The following SLC38A8 variants were observed in gnomAD, a reference collection of about 807,000 sequenced individuals.
SLC38A8 encodes the protein amino acid transporter SLC38A8.
In SLC38A8, 65 loss-of-function variants were observed where a neutral mutation model predicts 46.0. The ratio of observed to expected loss-of-function variants is 1.41; its 90% CI spans 1.16 to 1.74. SLC38A8 has a LOEUF of 1.74. Among genes scored for constraint, SLC38A8 ranks in the 40% most tolerant of loss-of-function variants. The pLI is 0.00. For synonymous variants in SLC38A8, 447 were observed against 243.7 expected, an observed-to-expected ratio of 1.83 and a Z score of -7.77; for missense variants, 998 against 567.9, an observed-to-expected ratio of 1.76 and a Z score of -7.70.
In SLC38A8 at chr16:84,009,770, G is replaced by C. The variant is rs779780018; in HGVS notation, c.*14C>G. 2 of 1,610,804 alleles carry C rather than the reference G, an allele frequency of 1.2e-6. No individual in the cohort carries two copies. Among genetic ancestry groups the C allele is most frequent in the African/African-American group, 2.7e-5 (2 of 74,750 alleles). ...CCCCCGGAGGGCCCCTTCCTGCCCG[G>C]CACTAGCTGCCCATCAGAACATCTC... On this transcript the variant is annotated 3_prime_UTR_variant, in exon 11 of 11. Coordinates refer to ENST00000299709, the MANE Select transcript of SLC38A8 (RefSeq NM_001080442.3).
At chr16:84,017,500 C>G (rs1355695131) in intron 7 of SLC38A8, among the ~76,000 whole-genome samples, 3 of 152,360 alleles carry the variant, frequency 2.0e-5, no homozygotes, top group East Asian at 3.9e-4. Flanking sequence ...AAATCCGCCA[C>G]TTATCCTCCT....
At chr16:84,015,956 G>C (rs1041146802) in intron 9 of SLC38A8, among the ~76,000 whole-genome samples, 2 of 152,240 alleles carry the variant, frequency 1.3e-5, no homozygotes, top group African/African-American at 4.8e-5. Flanking sequence ...TGGGATTACA[G>C]GCGTGAGCCA....
chr16:84,027,226 T>G (rs1057504720), intron 6 of SLC38A8, among the ~76,000 whole-genome samples: 3 of 152,128 alleles, frequency 2.0e-5, no homozygotes, highest in Non-Finnish European at 4.4e-5. Flanking sequence ...GACAGGCGCC[T>G]GTAATCCCAG....
chr16:84,033,250 G>T, intron 4 of SLC38A8, 78 bp downstream of exon 4: 1 of 1,591,924 alleles, frequency 6.3e-7, no homozygotes, highest in South Asian at 1.1e-5. Flanking sequence ...CAGCTCCTCT[G>T]ACCCCAGATG....
chr16:84,040,515 C>G (rs1256764009), intron 2 of SLC38A8, among the ~76,000 whole-genome samples: 1 of 152,234 alleles, frequency 6.6e-6, no homozygotes, highest in Non-Finnish European at 1.5e-5. Flanking sequence ...GGTTCCCACT[C>G]TCTGGCTCAT....
Position 84,017,192 on chromosome 16 carries a change from G to C in SLC38A8, c.901C>G (p.Leu301Val), listed in dbSNP as rs778679892. 1.9e-6 allele frequency: 3 copies of C among 1,614,116 alleles called. No individual in the cohort carries two copies. Among genetic ancestry groups the C allele is most frequent in the African/African-American group, 1.3e-5 (1 of 75,004 alleles). ...NDMVIIVARVLFAVSIVTVYP... is the reference protein window; with the variant it reads ...NDMVIIVARVVFAVSIVTVYP... ...ACAGTTACGATGGAGACAGCAAAAA[G>C]GACCCGGGCCACAATGATGACCATA... Residue 301 changes from leucine to valine, a missense_variant, in exon 8 of 11, where the codon CTT (leucine) becomes GTT (valine). Transcript: ENST00000299709.
intron 5 of SLC38A8, 47 bp from the exon 6 acceptor site, chr16:84,029,598 G>T (rs766149672): frequency 1.3e-6 from 2 of 1,582,156 alleles, no homozygotes; most frequent in Non-Finnish European, 1.7e-6. Flanking sequence ...GGTCACACCC[G>T]GAACAACCTG....
intron 5 of SLC38A8, 99 bp from the exon 6 acceptor site, chr16:84,029,650 A>T (rs946711306): frequency 1.6e-5 from 19 of 1,187,014 alleles, no homozygotes; most frequent in Non-Finnish European, 2.3e-5. Context: ...GGAAAATGTA[A>T]CAGAGCATGG....
chr16:84,013,164 G>T, intron 9 of SLC38A8, 112 bp from the exon 10 acceptor site: 1 of 1,223,254 alleles, frequency 8.2e-7, no homozygotes, highest in Non-Finnish European at 1.2e-6. Flanking sequence ...CTCCGCCCAT[G>T]GGTGCCCCTG....
At chr16:84,021,096 C>T (rs2151117067) in intron 7 of SLC38A8, among the ~76,000 whole-genome samples, 1 of 152,240 alleles carries the variant, frequency 6.6e-6, no homozygotes, top group Middle Eastern at 3.4e-3. Context: ...GAGTCTCATT[C>T]TTGTTGCCCA....
chr16:84,023,893 C>G (rs2085126688), intron 6 of SLC38A8, among the ~76,000 whole-genome samples: 1 of 152,076 alleles, frequency 6.6e-6, no homozygotes, highest in Non-Finnish European at 1.5e-5. Context: ...CACTGTGTCT[C>G]AAAAGAAAAA....
rs368518197 is a variant in SLC38A8, at chr16:84,009,776, G to T, written c.*8C>A. The T allele has an allele frequency of 1.1e-4, 180 of 1,612,458 alleles. 1 individual carries two copies. The South Asian group carries it at 1.9e-3, about 17-fold the overall frequency. ...GAGGGCCCCTTCCTGCCCGGCACTA[G>T]CTGCCCATCAGAACATCTCCCAGAC... On this transcript the variant is annotated 3_prime_UTR_variant, in exon 11 of 11. Coordinates refer to ENST00000299709, the MANE Select transcript of SLC38A8 (RefSeq NM_001080442.3).
rs747585726 is a variant in SLC38A8 at position 84,022,766 on chromosome 16, G to T, written c.805+9C>A. On this transcript the variant is annotated intron_variant, in intron 7 of 10. Coordinates refer to ENST00000299709, the MANE Select transcript of SLC38A8 (RefSeq NM_001080442.3). ...CACCCTCTGCAGGGGTGCCTGGGAA[G>T]GGCCTTACCCGTCAGTGAATAGATG... The T allele has an allele frequency of 1.9e-6, 3 of 1,611,438 alleles. No individual in the cohort carries two copies. The African/African-American group carries it at 4.0e-5, about 22-fold the overall frequency.
At chr16:84,024,934 G>C (rs1451348398) in intron 6 of SLC38A8, among the ~76,000 whole-genome samples, 1 of 152,124 alleles carries the variant, frequency 6.6e-6, no homozygotes, top group Non-Finnish European at 1.5e-5. Flanking sequence ...TCCCACCTCG[G>C]CCTCGCAAAG....
chr16:84,020,242 G>T (rs1312228531), intron 7 of SLC38A8, among the ~76,000 whole-genome samples: 4 of 151,300 alleles, frequency 2.6e-5, no homozygotes, highest in African/African-American at 9.7e-5. Flanking sequence ...CAGGGCTCAA[G>T]TGATCCTCCC....
At chr16:84,033,032 G>T (rs1381340333) in intron 4 of SLC38A8, among the ~76,000 whole-genome samples, 9 of 151,576 alleles carry the variant, frequency 5.9e-5, no homozygotes, top group African/African-American at 1.9e-4. Context: ...GTATGTGTGG[G>T]TGTGGGTAGG....
At chr16:84,012,317 A>G (rs184154867) in intron 10 of SLC38A8, among the ~76,000 whole-genome samples, 250 of 152,336 alleles carry the variant, frequency 1.6e-3, no homozygotes, top group African/African-American at 5.8e-3. Flanking sequence ...TCAGCTGCTC[A>G]GTGGCAAAGT....
intron 7 of SLC38A8, among the ~76,000 whole-genome samples, chr16:84,020,543 C>A (rs911346284): frequency 3.3e-5 from 5 of 152,196 alleles, no homozygotes; most frequent in African/African-American, 1.2e-4. Context: ...CGCATCCTGC[C>A]AAGGTTTACC....
chr16:84,029,318 C>T (rs1307629342), intron 6 of SLC38A8, among the ~76,000 whole-genome samples, 176 bp downstream of exon 6: 1 of 152,204 alleles, frequency 6.6e-6, no homozygotes, highest in East Asian at 1.9e-4. Context: ...CCAACCCATC[C>T]TCATGGTCTG....
Sources: gnomAD v4.1 joint callset for allele counts (sites outside exome capture counted in the v4.1 genomes callset) on GRCh38, gnomAD v4.1.1 for gene constraint, MANE v1.5 for transcripts, NCBI Gene and HGNC (gene_info 2026-07-23, HGNC 2026-07-21) for gene names.